Variants in C8orf34 observed in about 807,000 individuals in gnomAD.
C8orf34 encodes chromosome 8 open reading frame 34.
A neutral mutation model predicts 68.3 loss-of-function variants in C8orf34; 65 were observed. The ratio of observed to expected loss-of-function variants is 0.95; its 90% CI spans 0.78 to 1.17. The LOEUF (loss-of-function observed/expected upper bound fraction) is 1.17, where lower values mean the gene tolerates loss of function less well. Ranked by LOEUF, C8orf34 falls within the 50% of genes most tolerant of loss-of-function variation. C8orf34 has a pLI of 0.00. For missense variants in C8orf34, 664 were observed against 655.4 expected, an observed-to-expected ratio of 1.01 and a Z score of -0.14; for synonymous variants, 244 against 241.2, an observed-to-expected ratio of 1.01 and a Z score of -0.11.
intron 1 of C8orf34, among the ~76,000 whole-genome samples, chr8:68,427,401 C>A (rs934472337): frequency 6.6e-6 from 1 of 152,054 alleles, no homozygotes; most frequent in African/African-American, 2.4e-5. Context: ...ACAACGTGGA[C>A]AAACCTCAAG....
At chr8:68,496,548 T>C (rs4588839) in intron 5 of C8orf34, among the ~76,000 whole-genome samples, 59,263 of 152,074 alleles carry the variant, frequency 0.39, 11,899 homozygotes, top group African/African-American at 0.45. Context: ...GCTATATGTG[T>C]ACCATTGACA....
intron 7 of C8orf34, among the ~76,000 whole-genome samples, chr8:68,585,054 T>C (rs1358628263): frequency 2.0e-5 from 3 of 152,110 alleles, no homozygotes; most frequent in African/African-American, 7.2e-5. Context: ...ACCTCAAATA[T>C]TAGGACTTGT....
intron 11 of C8orf34, among the ~76,000 whole-genome samples, chr8:68,785,648 T>C (rs898697473): frequency 6.6e-6 from 1 of 152,238 alleles, no homozygotes; most frequent in Non-Finnish European, 1.5e-5. Context: ...TCTTTTTTGA[T>C]ATATTGCCAT....
At chr8:68,785,173 C>T (rs376109499) in intron 11 of C8orf34, among the ~76,000 whole-genome samples, 22 of 151,136 alleles carry the variant, frequency 1.5e-4, no homozygotes, top group African/African-American at 4.4e-4. Context: ...CACTACACTC[C>T]AGCCCGGGCA....
chr8:68,746,308 A>T (rs1459784815), intron 10 of C8orf34, among the ~76,000 whole-genome samples: 2 of 79,960 alleles, frequency 2.5e-5, no homozygotes, highest in Non-Finnish European at 4.9e-5. Context: ...TGACACCCTA[A>T]CATCACAATT....
intron 1 of C8orf34, among the ~76,000 whole-genome samples, chr8:68,369,520 G>A (rs1012178159): frequency 6.6e-6 from 1 of 152,208 alleles, no homozygotes; most frequent in Non-Finnish European, 1.5e-5. Flanking sequence ...GTGGATTGAA[G>A]GAAAGAATAT....
At chr8:68,797,497 C>A (rs1386660345) in intron 12 of C8orf34, among the ~76,000 whole-genome samples, 1 of 151,890 alleles carries the variant, frequency 6.6e-6, no homozygotes, top group Non-Finnish European at 1.5e-5. Flanking sequence ...AGTGGAGCTA[C>A]CATATTCCAT....
At chr8:68,572,360 A>C (rs1376977667) in intron 7 of C8orf34, among the ~76,000 whole-genome samples, 1 of 152,048 alleles carries the variant, frequency 6.6e-6, no homozygotes, top group African/African-American at 2.4e-5. Flanking sequence ...TATTGAAGAC[A>C]TTATTAACAC....
At chr8:68,590,111 A>T (rs1817342006) in intron 7 of C8orf34, among the ~76,000 whole-genome samples, 2 of 150,608 alleles carry the variant, frequency 1.3e-5, no homozygotes, top group South Asian at 2.1e-4. Context: ...GAAGAAAAAG[A>T]AAAGAGAAAG....
chr8:68,616,803 G>A (rs148050707), intron 7 of C8orf34, among the ~76,000 whole-genome samples: 44,846 of 151,962 alleles, frequency 0.3, 8,435 homozygotes, highest in African/African-American at 0.55. Flanking sequence ...ATGTCTATTA[G>A]GTCCGCTTGG....
chr8:68,775,758 A>G lies in C8orf34; in HGVS notation c.1405-641A>G, dbSNP rs535320050. 3.3e-5 allele frequency among the ~76,000 whole-genome samples: 5 copies of G among 152,326 alleles called. No individual in the cohort carries two copies. The East Asian group carries it at 7.7e-4, about 23-fold the overall frequency. On this transcript the variant is annotated intron_variant, in intron 10 of 13. Coordinates refer to ENST00000518698, the MANE Select transcript of C8orf34 (RefSeq NM_052958.4). ...ACATTAACAACAGAAAATGTTACAC[A>G]ATTTGTTTAGCATTCTGTTCCAAGA... is the stretch of plus-strand genomic sequence containing the variant.
At chr8:68,582,644 G>C (rs1308445676) in intron 7 of C8orf34, among the ~76,000 whole-genome samples, 1 of 152,016 alleles carries the variant, frequency 6.6e-6, no homozygotes, top group Non-Finnish European at 1.5e-5. Context: ...ATGTCCTTTA[G>C]TTCAAAGTAC....
intron 6 of C8orf34, among the ~76,000 whole-genome samples, chr8:68,526,706 C>T (rs1479593064): frequency 7.5e-6 from 1 of 133,148 alleles, no homozygotes; most frequent in East Asian, 2.2e-4. Context: ...AAAAAGGACA[C>T]AGGTTCAGCC....
At chr8:68,445,198 C>T (rs1484281913) in intron 2 of C8orf34, among the ~76,000 whole-genome samples, 1 of 152,058 alleles carries the variant, frequency 6.6e-6, no homozygotes, top group African/African-American at 2.4e-5. Flanking sequence ...TTAAGTACAA[C>T]CTTAACATGA....
chr8:68,571,813 A>G (rs894724089), intron 7 of C8orf34, among the ~76,000 whole-genome samples: 1 of 152,212 alleles, frequency 6.6e-6, no homozygotes, highest in African/African-American at 2.4e-5. Flanking sequence ...TCTATTTGCT[A>G]TGAAAACCAA....
intron 5 of C8orf34, among the ~76,000 whole-genome samples, chr8:68,515,329 G>T (rs1461778140): frequency 2.0e-5 from 3 of 149,200 alleles, no homozygotes; most frequent in Non-Finnish European, 3.0e-5. Context: ...TTCTCCAGCT[G>T]CTCTATGTAA....
At chr8:68,531,417 G>A (rs1395579930) in intron 6 of C8orf34, among the ~76,000 whole-genome samples, 3 of 151,968 alleles carry the variant, frequency 2.0e-5, no homozygotes, top group Admixed American at 1.3e-4. Context: ...TTACATTCTT[G>A]AAGACTATGG....
intron 1 of C8orf34, among the ~76,000 whole-genome samples, chr8:68,354,314 A>G (rs776575756): frequency 1.2e-4 from 18 of 152,208 alleles, no homozygotes; most frequent in Admixed American, 5.2e-4. Context: ...TAATAATCAT[A>G]GTACTATTCT....
chr8:68,718,622 T>C (rs1056883770), intron 9 of C8orf34, among the ~76,000 whole-genome samples: 25 of 152,244 alleles, frequency 1.6e-4, no homozygotes, highest in African/African-American at 5.8e-4. Context: ...TTATGTCAAC[T>C]GTGCATCCAC....
Sources: allele counts gnomAD v4.1 joint callset (sites outside exome capture counted in the v4.1 genomes callset), GRCh38; gene constraint gnomAD v4.1.1; transcripts MANE v1.5; gene names NCBI Gene and HGNC (gene_info 2026-07-23, HGNC 2026-07-21).